The following RTN4RL1 variants were observed in gnomAD, a reference collection of about 807,000 sequenced individuals.
The protein encoded by RTN4RL1 is reticulon 4 receptor like 1, also known as reticulon-4 receptor-like 1.
In RTN4RL1, 7 loss-of-function variants were observed where a neutral mutation model predicts 25.6. That is an observed-to-expected ratio of 0.27 (90% CI 0.16 to 0.51). RTN4RL1 has a LOEUF of 0.51. Ranked by LOEUF, RTN4RL1 falls within the 20% of genes least tolerant of loss-of-function variation. The pLI is 0.97. For missense variants in RTN4RL1, 500 were observed against 615.6 expected, an observed-to-expected ratio of 0.81 and a Z score of 1.99; for synonymous variants, 297 against 288.2, an observed-to-expected ratio of 1.03 and a Z score of -0.31.
intron 1 of RTN4RL1, among the ~76,000 whole-genome samples, chr17:1,954,679 C>T (rs371190769): frequency 2.4e-4 from 37 of 152,282 alleles, no homozygotes; most frequent in East Asian, 2.1e-3. Flanking sequence ...GGAGCCACTG[C>T]GCCCAGCCAC....
chr17:1,973,740 T>C (rs907813883), intron 1 of RTN4RL1, among the ~76,000 whole-genome samples: 1 of 151,494 alleles, frequency 6.6e-6, no homozygotes, highest in African/African-American at 2.4e-5. Flanking sequence ...TAATGATACA[T>C]TTAGTTAAAA....
intron 1 of RTN4RL1, chr17:2,019,667 C>T: frequency 6.6e-6 from 1 of 152,246 alleles, no homozygotes; most frequent in East Asian, 1.9e-4. Context: ...TACCTGGTCT[C>T]CATCAACAGA....
intron 1 of RTN4RL1, among the ~76,000 whole-genome samples, chr17:1,966,512 C>T (rs993686076): frequency 6.6e-6 from 1 of 152,198 alleles, no homozygotes; most frequent in Non-Finnish European, 1.5e-5. Context: ...AGCAGCCTAA[C>T]TTCCCTGGAC....
chr17:1,950,995 G>C (rs1457883660), intron 1 of RTN4RL1, among the ~76,000 whole-genome samples: 1 of 152,010 alleles, frequency 6.6e-6, no homozygotes, highest in African/African-American at 2.4e-5. Flanking sequence ...GCTGGGCGCG[G>C]TGGCTCACGC....
chr17:1,949,020 G>T (rs1250757117), intron 1 of RTN4RL1, among the ~76,000 whole-genome samples: 1 of 151,026 alleles, frequency 6.6e-6, no homozygotes, highest in Non-Finnish European at 1.5e-5. Context: ...GCAGTGGCAT[G>T]ATCTCGGCTC....
At chr17:1,974,041 A>G (rs1046299694) in intron 1 of RTN4RL1, among the ~76,000 whole-genome samples, 5 of 12,392 alleles carry the variant, frequency 4.0e-4, no homozygotes, top group African/African-American at 7.9e-4. Context: ...TCCGTCTCAG[A>G]AAAAAAAAAA....
intron 1 of RTN4RL1, among the ~76,000 whole-genome samples, chr17:1,987,718 GACACACAC>G (rs59658751): frequency 0.26 from 37,577 of 144,786 alleles, 5,178 homozygotes; most frequent in East Asian, 0.37. Context: ...TGAGTTCAGG[GACACACAC>G]ACACACACAC....
At chr17:1,975,362 T>C (rs1260590498) in intron 1 of RTN4RL1, among the ~76,000 whole-genome samples, 2 of 151,982 alleles carry the variant, frequency 1.3e-5, no homozygotes, top group African/African-American at 2.4e-5. Context: ...GCAGAAAACT[T>C]TGGGGGGACC....
In RTN4RL1 at chr17:1,994,083, T is replaced by C. The variant is rs1244208443; in HGVS notation, c.13+30770A>G. Among the ~76,000 whole-genome samples, 1 of 152,016 alleles carries C rather than the reference T, an allele frequency of 6.6e-6. No homozygotes were observed. The highest frequency in any genetic ancestry group is 1.5e-5 in the Non-Finnish European group (1 of 68,012). On this transcript the variant is annotated intron_variant, in intron 1 of 1. Transcript: ENST00000331238. This position sits in a 1 kb window ranked among gnomAD's most constrained non-coding sequence, Gnocchi z 4.3. ...GAACCACCCCGTTCCTCAGGACACGTGCACTCGAACCTCGCCGCTCCGGGT... is the reference window on the plus strand; with the variant it reads ...GAACCACCCCGTTCCTCAGGACACGCGCACTCGAACCTCGCCGCTCCGGGT...
Position 1,987,439 on chromosome 17 carries a change from C to T in RTN4RL1, c.13+37414G>A, listed in dbSNP as rs1009688269. On this transcript the variant is annotated intron_variant, in intron 1 of 1. Coordinates refer to ENST00000331238, the MANE Select transcript of RTN4RL1 (RefSeq NM_178568.4). ...ATCCTTCTGAGAATGACGCCAACTC[C>T]GTGAAGCCATGCCAAGAAGCCAAGA... Among the ~76,000 whole-genome samples the T allele has an allele frequency of 6.6e-5, 10 of 152,242 alleles. No homozygotes were observed. The East Asian group carries it at 1.7e-3, about 26-fold the overall frequency.
intron 1 of RTN4RL1, among the ~76,000 whole-genome samples, chr17:1,977,294 G>A (rs1417288381): frequency 6.6e-6 from 1 of 152,196 alleles, no homozygotes; most frequent in Non-Finnish European, 1.5e-5. Context: ...GGCAGAGTCA[G>A]GCCCGAGAGC....
chr17:1,975,282 G>A (rs1025296012), intron 1 of RTN4RL1, among the ~76,000 whole-genome samples: 2 of 152,132 alleles, frequency 1.3e-5, no homozygotes, highest in Admixed American at 6.6e-5. Flanking sequence ...ACCCTGACTG[G>A]CTTCTTCCTT....
intron 1 of RTN4RL1, among the ~76,000 whole-genome samples, chr17:1,992,005 C>T (rs1021600464): frequency 6.6e-6 from 1 of 152,114 alleles, no homozygotes; most frequent in Non-Finnish European, 1.5e-5. Flanking sequence ...CTTCCTTGTA[C>T]ACACAGTCCC....
chr17:2,008,410 G>T (rs965679077), intron 1 of RTN4RL1, among the ~76,000 whole-genome samples: 4 of 152,036 alleles, frequency 2.6e-5, no homozygotes, highest in Non-Finnish European at 5.9e-5. Context: ...TAAACGAGAC[G>T]GGTGCATCTG....
chr17:1,952,500 G>A lies in RTN4RL1; in HGVS notation c.14-14692C>T, dbSNP rs544253994. Among the ~76,000 whole-genome samples, 6 of 151,716 alleles carry A rather than the reference G, an allele frequency of 4.0e-5. No homozygotes were observed. The South Asian group carries it at 8.3e-4, about 21-fold the overall frequency. On this transcript the variant is annotated intron_variant, in intron 1 of 1. Transcript: ENST00000331238. ...TGCGAATGCAGGCATCCACCACCAC[G>A]CCCGGCTAATTTTTTCATATTTTTA...
chr17:1,982,868 C>T (rs1395877093), intron 1 of RTN4RL1, among the ~76,000 whole-genome samples: 2 of 152,128 alleles, frequency 1.3e-5, no homozygotes, highest in African/African-American at 4.8e-5. Flanking sequence ...GGAGGGGCAG[C>T]GGCTGACAGT....
chr17:2,010,672 C>G (rs1482727531), intron 1 of RTN4RL1, among the ~76,000 whole-genome samples: 2 of 152,122 alleles, frequency 1.3e-5, no homozygotes, highest in African/African-American at 4.8e-5. Context: ...ATCCTCCCAC[C>G]TCAGCCTCCC....
At chr17:2,022,862 G>A (rs2067226637) in intron 1 of RTN4RL1, among the ~76,000 whole-genome samples, 1 of 152,226 alleles carries the variant, frequency 6.6e-6, no homozygotes, top group Admixed American at 6.5e-5. Flanking sequence ...GCAAACACAC[G>A]TGACTGCTAA....
intron 1 of RTN4RL1, among the ~76,000 whole-genome samples, chr17:1,946,802 T>A (rs1915556477): frequency 2.1e-5 from 3 of 145,474 alleles, no homozygotes; most frequent in Non-Finnish European, 4.5e-5. Context: ...AATGTGTGCG[T>A]CTCTGTGTGA....
Sources: allele counts gnomAD v4.1 joint callset (sites outside exome capture counted in the v4.1 genomes callset), GRCh38; gene constraint gnomAD v4.1.1; non-coding constraint Gnocchi (gnomAD v3.1); transcripts MANE v1.5; gene names NCBI Gene and HGNC (gene_info 2026-07-23, HGNC 2026-07-21).